SPAG16: variants seen among roughly 807,000 people sequenced by gnomAD.
SPAG16 encodes sperm-associated antigen 16 protein.
Under a neutral mutation model 80.4 loss-of-function variants are expected in SPAG16, and 86 were observed. The observed-to-expected ratio is 1.07, with a 90% confidence interval of 0.90 to 1.28. The LOEUF is 1.28. Ranked by LOEUF, SPAG16 falls within the 50% of genes most tolerant of loss-of-function variation. The pLI is 0.00. For synonymous variants in SPAG16, 294 were observed against 265.9 expected (o/e 1.11, Z -1.03); for missense variants, 870 against 765.3 (o/e 1.14, Z -1.61).
intron 10 of SPAG16, among the ~76,000 whole-genome samples, chr2:213,797,759 T>C (rs558147982): frequency 6.5e-4 from 99 of 152,338 alleles, no homozygotes; most frequent in African/African-American, 2.2e-3. Flanking sequence ...TTTGGGGGCA[T>C]TGTGAATAAG....
intron 10 of SPAG16, among the ~76,000 whole-genome samples, chr2:213,579,171 T>A (rs1227663254): frequency 6.6e-6 from 1 of 152,176 alleles, no homozygotes; most frequent in Non-Finnish European, 1.5e-5. Context: ...ACTTTGAGTT[T>A]GTTTATTGTA....
chr2:213,659,392 A>C (rs2063339123), intron 10 of SPAG16, among the ~76,000 whole-genome samples: 1 of 152,096 alleles, frequency 6.6e-6, no homozygotes, highest in South Asian at 2.1e-4. Flanking sequence ...GGGTTTGCTG[A>C]AAATGAATAT....
chr2:213,923,581 C>G (rs1056710998), intron 11 of SPAG16, among the ~76,000 whole-genome samples: 2 of 152,150 alleles, frequency 1.3e-5, no homozygotes, highest in Non-Finnish European at 2.9e-5. Flanking sequence ...TATCATGTGT[C>G]GCTTGCCTGG....
chr2:213,842,280 C>T (rs1191145933), intron 10 of SPAG16, among the ~76,000 whole-genome samples: 2 of 152,142 alleles, frequency 1.3e-5, no homozygotes, highest in Admixed American at 6.5e-5. Context: ...ATATATTGTG[C>T]ACTTTTATTT....
intron 13 of SPAG16, among the ~76,000 whole-genome samples, chr2:214,095,477 T>C (rs2052529445): frequency 6.6e-6 from 1 of 152,138 alleles, no homozygotes; most frequent in Non-Finnish European, 1.5e-5. Context: ...GATTTAAATA[T>C]GCTATTAACT....
At chr2:214,323,260 A>G (rs1269068053) in intron 15 of SPAG16, among the ~76,000 whole-genome samples, 13 of 152,146 alleles carry the variant, frequency 8.5e-5, no homozygotes, top group African/African-American at 2.9e-4. Context: ...GTGACCTGGC[A>G]CACTTCTGTG....
At chr2:213,528,309 G>T (rs1575847105) in intron 10 of SPAG16, among the ~76,000 whole-genome samples, 1 of 152,050 alleles carries the variant, frequency 6.6e-6, no homozygotes, top group African/African-American at 2.4e-5. Flanking sequence ...TTGGCAGGGG[G>T]TGGGGGTAAG....
chr2:214,167,077 G>A (rs898955654), intron 15 of SPAG16, among the ~76,000 whole-genome samples: 3 of 152,118 alleles, frequency 2.0e-5, no homozygotes, highest in African/African-American at 7.2e-5. Context: ...TATACCTAAT[G>A]GAAGTTAATA....
intron 10 of SPAG16, among the ~76,000 whole-genome samples, chr2:213,508,557 C>T (rs945071887): frequency 6.6e-5 from 10 of 151,606 alleles, no homozygotes; most frequent in African/African-American, 1.2e-4. Flanking sequence ...CCGGCCTGGG[C>T]GACAGAGTGA....
rs1223788169 is a variant in SPAG16 at position 213,317,259 on chromosome 2, G to A, written c.439G>A (p.Val147Ile). Residue 147 changes from valine (V) to isoleucine (I), a missense_variant, in exon 5 of 16, where the codon GTT becomes ATT. Coordinates refer to ENST00000331683, the MANE Select transcript of SPAG16 (RefSeq NM_024532.5). ...IQKGVTELRT[V>I]GNVPDVYTQI... ...GAAAGGAGTGACTGAACTTAGAACT[G>A]TTGGGAATGTTCCAGATGTCTACAC... The A allele has an allele frequency of 3.7e-6, 6 of 1,608,732 alleles. No homozygotes were observed. The highest frequency in any genetic ancestry group is 5.1e-6 in the Non-Finnish European group (6 of 1,176,968).
At chr2:213,548,231 G>A (rs1304363537) in intron 10 of SPAG16, among the ~76,000 whole-genome samples, 2 of 150,218 alleles carry the variant, frequency 1.3e-5, no homozygotes, top group Non-Finnish European at 3.0e-5. Flanking sequence ...TTTTTTTTTC[G>A]GGGACGGAGT....
At chr2:214,147,183 C>A (rs1438651082) in intron 14 of SPAG16, among the ~76,000 whole-genome samples, 1 of 152,080 alleles carries the variant, frequency 6.6e-6, no homozygotes, top group Non-Finnish European at 1.5e-5. Context: ...TCATTAAAAG[C>A]ATTTCATAAA....
At chr2:213,968,948 A>T (rs893663557) in intron 12 of SPAG16, among the ~76,000 whole-genome samples, 1 of 152,238 alleles carries the variant, frequency 6.6e-6, no homozygotes, top group Non-Finnish European at 1.5e-5. Context: ...AATACAAATA[A>T]TATCCATACA....
At chr2:213,916,142 C>T (rs1311420549) in intron 11 of SPAG16, among the ~76,000 whole-genome samples, 1 of 152,168 alleles carries the variant, frequency 6.6e-6, no homozygotes, top group Non-Finnish European at 1.5e-5. Flanking sequence ...TCTATTTTGG[C>T]TTTTGTTGCC....
At chr2:213,460,780 C>A (rs1235719349) in intron 9 of SPAG16, among the ~76,000 whole-genome samples, 2 of 152,044 alleles carry the variant, frequency 1.3e-5, no homozygotes, top group Non-Finnish European at 2.9e-5. Flanking sequence ...CATAGTAAAT[C>A]AGTAAATGTA....
rs183849247 is a variant in SPAG16 at position 213,308,926 on chromosome 2, A to G, written c.280-1133A>G. Among the ~76,000 whole-genome samples, 158 of 152,296 alleles carry G rather than the reference A, an allele frequency of 1.0e-3. 1 individual carries two copies. The highest frequency in any genetic ancestry group is 1.7e-3 in the South Asian group (8 of 4,832). ...CTATAGGTTTGGATTATTTAGTTTG[A>G]CATATACACTAAGATCTCTTGGGGC... On this transcript the variant is annotated intron_variant, in intron 3 of 15. Coordinates refer to ENST00000331683, the MANE Select transcript of SPAG16 (RefSeq NM_024532.5).
chr2:213,902,236 C>G (rs2077248581), intron 11 of SPAG16, among the ~76,000 whole-genome samples: 2 of 152,168 alleles, frequency 1.3e-5, no homozygotes, highest in African/African-American at 4.8e-5. Flanking sequence ...GCCCACAAAA[C>G]TGTGGGAGCT....
intron 5 of SPAG16, among the ~76,000 whole-genome samples, chr2:213,335,492 A>G (rs1191627384): frequency 1.3e-5 from 2 of 152,236 alleles, no homozygotes; most frequent in East Asian, 1.9e-4. Flanking sequence ...AAGCAATACA[A>G]TAACAAATTA....
intron 9 of SPAG16, among the ~76,000 whole-genome samples, chr2:213,391,319 AT>A (rs2067740037): frequency 6.6e-6 from 1 of 152,214 alleles, no homozygotes; most frequent in Non-Finnish European, 1.5e-5. Context: ...GGAAAAAAAT[AT>A]TTTAGCTTAT....
Sources: allele counts gnomAD v4.1 joint callset (sites outside exome capture counted in the v4.1 genomes callset), GRCh38; gene constraint gnomAD v4.1.1; transcripts MANE v1.5; gene names NCBI Gene and HGNC (gene_info 2026-07-23, HGNC 2026-07-21).